R3HDM1: variants seen among roughly 807,000 people sequenced by gnomAD.
R3HDM1 encodes the protein R3H domain-containing protein 1.
R3HDM1 carries 46 observed loss-of-function variants against 141.1 expected under a neutral mutation model. That is an observed-to-expected ratio of 0.33 (90% confidence interval 0.26 to 0.42). R3HDM1 has a LOEUF of 0.42. Among genes scored for constraint, R3HDM1 ranks in the 10% least tolerant of loss-of-function variants. The probability of loss-of-function intolerance (pLI) is 1.00; values close to 1 mark genes in which losing one functional copy is unlikely to be tolerated. For synonymous variants in R3HDM1, 435 were observed against 472.9 expected (o/e 0.92, Z 1.04); for missense variants, 1,184 against 1,368.3 (o/e 0.87, Z 2.12).
chr2:135,662,825 A>G (rs2066901140), intron 19 of R3HDM1, among the ~76,000 whole-genome samples: 1 of 152,152 alleles, frequency 6.6e-6, no homozygotes, highest in Non-Finnish European at 1.5e-5. Context: ...AAGTAATAGA[A>G]TTTTCATATT....
At chr2:135,669,015 G>T (rs2067928260) in intron 19 of R3HDM1, 10 of 564,974 alleles carry the variant, frequency 1.8e-5, no homozygotes, top group Non-Finnish European at 2.2e-5. Flanking sequence ...ATTTGAGCCA[G>T]TTCTTCTCCT....
At chr2:135,681,912 G>A (rs1245269016) in intron 21 of R3HDM1, among the ~76,000 whole-genome samples, 1 of 151,906 alleles carries the variant, frequency 6.6e-6, no homozygotes, top group Non-Finnish European at 1.5e-5. Context: ...TTTAAGATTA[G>A]CTAATCCCAG....
chr2:135,710,365 CT>C lies in R3HDM1; in HGVS notation c.2736+135del. 5 of 882,072 alleles carry C rather than the reference CT, an allele frequency of 5.7e-6. No individual in the cohort carries two copies. In the South Asian group the frequency reaches 9.4e-5, roughly 17 times the overall value. The allele number at this position is 882,072 out of a possible 1,614,324, so 54.6% of individuals were successfully genotyped here. ...TTGGGCCAGGCGCGGTGGCTCTCCCCTGTAATCCCAGCACTTTTTGGGAGGC... is the reference window on the plus strand; with the variant it reads ...TTGGGCCAGGCGCGGTGGCTCTCCCCGTAATCCCAGCACTTTTTGGGAGGC... On this transcript the variant is annotated intron_variant, in intron 23 of 26. Coordinates refer to ENST00000683871, the MANE Select transcript of R3HDM1 (RefSeq NM_001378107.1).
rs77911682 is a variant in R3HDM1, at chr2:135,614,929, T to C, written c.172-1223T>C. ...GAGTTACAGTTAATTAGAAATCCTCTTGAACAAGTTAGAGAGTAGGTAAAA... is the reference window on the plus strand; with the variant it reads ...GAGTTACAGTTAATTAGAAATCCTCCTGAACAAGTTAGAGAGTAGGTAAAA... On this transcript the variant is annotated intron_variant, in intron 3 of 26. Transcript: ENST00000683871. Among the ~76,000 whole-genome samples, 447 of 152,224 alleles carry C rather than the reference T, an allele frequency of 2.9e-3. 2 individuals carry two copies. The highest frequency in any genetic ancestry group is 0.01 in the African/African-American group (423 of 41,532).
intron 18 of R3HDM1, among the ~76,000 whole-genome samples, chr2:135,653,181 C>T (rs952798589): frequency 6.6e-6 from 1 of 151,738 alleles, no homozygotes; most frequent in African/African-American, 2.4e-5. Context: ...CATGATGAAA[C>T]CCCTTCTCTA....
At chr2:135,532,928 A>G (rs968079174) in intron 1 of R3HDM1, among the ~76,000 whole-genome samples, 5 of 152,366 alleles carry the variant, frequency 3.3e-5, no homozygotes, top group African/African-American at 1.2e-4. Context: ...TGTAGTAGAC[A>G]TAACTGTGAT....
chr2:135,596,259 A>G (rs2059177329), intron 1 of R3HDM1, among the ~76,000 whole-genome samples: 1 of 152,142 alleles, frequency 6.6e-6, no homozygotes, highest in Admixed American at 6.6e-5. Flanking sequence ...CAGCCTCCCA[A>G]AGTGCTGGGA....
intron 19 of R3HDM1, among the ~76,000 whole-genome samples, chr2:135,666,916 A>C (rs2067590516): frequency 8.9e-6 from 1 of 111,862 alleles, no homozygotes; most frequent in Admixed American, 1.0e-4. Context: ...AAAATGGCTC[A>C]TCTTTAAAAA....
At position 135,531,641 on chromosome 2, in the gene R3HDM1, A is replaced by G; in HGVS notation, c.-250+8A>G. The stretch of plus-strand genomic sequence containing the variant: ...TCCTCCTCAGTAACGCGGGTAAGAG[A>G]TGCCCTTCCCTCCCCCGTCCAGCTC... On this transcript the variant is annotated splice_region_variant and intron_variant, in intron 1 of 26. Coordinates refer to ENST00000683871, the MANE Select transcript of R3HDM1 (RefSeq NM_001378107.1). The G allele has an allele frequency of 1.0e-6, 1 of 986,274 alleles. No homozygotes were observed. The highest frequency in any genetic ancestry group is 1.2e-6 in the Non-Finnish European group (1 of 830,350). 61.1% of individuals were successfully genotyped at this position (986,274 alleles called of 1,614,324 possible). A position where few individuals can be genotyped will look rare whatever the true frequency, so the allele number is the denominator to read the frequency against.
intron 1 of R3HDM1, among the ~76,000 whole-genome samples, chr2:135,601,357 G>A (rs1446410842): frequency 1.3e-5 from 2 of 152,114 alleles, no homozygotes; most frequent in African/African-American, 4.8e-5. Context: ...GATATATCGG[G>A]TTCCAAGTGA....
chr2:135,590,779 AGAG>A (rs1709079593), intron 1 of R3HDM1: 3 of 956,934 alleles, frequency 3.1e-6, no homozygotes, highest in Non-Finnish European at 3.7e-6. Flanking sequence ...ATCCTTTTAT[AGAG>A]TATGAAGGCA....
intron 17 of R3HDM1, chr2:135,650,530 G>T: frequency 8.1e-6 from 8 of 983,100 alleles, no homozygotes; most frequent in Non-Finnish European, 9.7e-6. Context: ...ATTTTTATTG[G>T]AATAAGAAAA....
rs544885718 is a variant in R3HDM1, at chr2:135,713,970, T to C, written c.2737-1580T>C. ...AAAATGAAACTGTCTTACCTTAGTG[T>C]AATATAAAGTGATAAATGTAGAATC... On this transcript the variant is annotated intron_variant, in intron 23 of 26. Coordinates refer to ENST00000683871, the MANE Select transcript of R3HDM1 (RefSeq NM_001378107.1). Among the ~76,000 whole-genome samples, 20 of 152,144 alleles carry C rather than the reference T, an allele frequency of 1.3e-4. No homozygotes were observed. The South Asian group carries it at 3.5e-3, about 27-fold the overall frequency.
In R3HDM1 at chr2:135,631,795, A is replaced by T. The variant is rs779807922; in HGVS notation, c.557+18A>T. The T allele has an allele frequency of 1.9e-6, 3 of 1,566,504 alleles. No individual in the cohort carries two copies. The highest frequency in any genetic ancestry group is 1.7e-6 in the Non-Finnish European group (2 of 1,158,392). On this transcript the variant is annotated intron_variant, in intron 8 of 26. Transcript: ENST00000683871. ...AATAATGAGTAAGTCCTGACATTCAACAAGAAAAGAAATTGTCATCACCAT... is the reference window on the plus strand; with the variant it reads ...AATAATGAGTAAGTCCTGACATTCATCAAGAAAAGAAATTGTCATCACCAT...
intron 1 of R3HDM1, among the ~76,000 whole-genome samples, chr2:135,551,520 A>G (rs1473903858): frequency 6.6e-6 from 1 of 152,244 alleles, no homozygotes; most frequent in African/African-American, 2.4e-5. Flanking sequence ...TCTAGAAAAT[A>G]TACTTATTCT....
At chr2:135,559,926 AG>A (rs138656451) in intron 1 of R3HDM1, among the ~76,000 whole-genome samples, 2,060 of 152,348 alleles carry the variant, frequency 0.014, 48 homozygotes, top group African/African-American at 0.048. Flanking sequence ...CGCAGTAGAT[AG>A]AGTTGAACAA....
At chr2:135,621,917 T>TC (rs2061545992) in intron 6 of R3HDM1, 1 of 980,026 alleles carries the variant, frequency 1.0e-6, no homozygotes, top group Admixed American at 6.2e-5. Context: ...AAGGATACTA[T>TC]CACTCTTGAA....
intron 21 of R3HDM1, among the ~76,000 whole-genome samples, chr2:135,693,566 T>G (rs2072773949): frequency 1.3e-5 from 2 of 152,240 alleles, no homozygotes; most frequent in South Asian, 4.1e-4. Context: ...CTTGAGATAG[T>G]ATGTGGTAAA....
At chr2:135,700,664 C>T (rs1372836830) in intron 21 of R3HDM1, among the ~76,000 whole-genome samples, 1 of 152,102 alleles carries the variant, frequency 6.6e-6, no homozygotes, top group Non-Finnish European at 1.5e-5. Flanking sequence ...TCAATTATTG[C>T]TTGAGAAGAA....
Sources: allele counts gnomAD v4.1 joint callset (sites outside exome capture counted in the v4.1 genomes callset), GRCh38; gene constraint gnomAD v4.1.1; transcripts MANE v1.5; gene names NCBI Gene and HGNC (gene_info 2026-07-23, HGNC 2026-07-21).